NLGN1: variants seen among roughly 807,000 people sequenced by gnomAD.
NLGN1 encodes the protein neuroligin 1.
In NLGN1, 12 loss-of-function variants were observed where a neutral mutation model predicts 65.5. The observed-to-expected ratio is 0.18, with a 90% CI of 0.12 to 0.30. The LOEUF is 0.30. NLGN1 is among the 10% of genes least tolerant of loss of function. The pLI is 1.00. For missense variants in NLGN1, 750 were observed against 1,007.1 expected (o/e 0.74, Z 3.46); for synonymous variants, 350 against 359.5 (o/e 0.97, Z 0.30).
At chr3:174,121,230 A>G (rs530182165) in intron 4 of NLGN1, among the ~76,000 whole-genome samples, 95 of 152,342 alleles carry the variant, frequency 6.2e-4, no homozygotes, top group Non-Finnish European at 1.1e-3. Context: ...TTGAAAGAAC[A>G]AAAGCAGCAA....
At chr3:173,549,581 T>C (rs780756052) in intron 2 of NLGN1, among the ~76,000 whole-genome samples, 2 of 152,046 alleles carry the variant, frequency 1.3e-5, no homozygotes, top group Non-Finnish European at 2.9e-5. Context: ...ATAACAAAAT[T>C]TACCTTCTCC....
intron 2 of NLGN1, among the ~76,000 whole-genome samples, chr3:173,450,788 T>C (rs1405371399): frequency 6.6e-6 from 1 of 152,178 alleles, no homozygotes; most frequent in African/African-American, 2.4e-5. Flanking sequence ...TCTAAACTTG[T>C]ATTCACGCTT....
chr3:174,164,872 G>A (rs1239201013), intron 4 of NLGN1, among the ~76,000 whole-genome samples: 1 of 152,002 alleles, frequency 6.6e-6, no homozygotes, highest in Non-Finnish European at 1.5e-5. Flanking sequence ...AAATGACATT[G>A]GCAGTTTGAT....
intron 4 of NLGN1, among the ~76,000 whole-genome samples, chr3:173,924,050 T>A (rs1742548626): frequency 6.6e-6 from 1 of 152,110 alleles, no homozygotes; most frequent in African/African-American, 2.4e-5. Context: ...ATACAAAAAA[T>A]TCAGCCATGA....
intron 4 of NLGN1, among the ~76,000 whole-genome samples, chr3:174,106,590 G>A (rs1311011838): frequency 1.3e-5 from 2 of 151,914 alleles, no homozygotes; most frequent in African/African-American, 4.8e-5. Flanking sequence ...GTAAGAAAAG[G>A]CAAAGAGAGA....
At chr3:173,823,387 T>A (rs1479868779) in intron 4 of NLGN1, among the ~76,000 whole-genome samples, 1 of 152,082 alleles carries the variant, frequency 6.6e-6, no homozygotes, top group East Asian at 1.9e-4. Flanking sequence ...AACTAATATA[T>A]CCAAAATATT....
intron 4 of NLGN1, among the ~76,000 whole-genome samples, chr3:173,930,786 T>C (rs1743947015): frequency 6.6e-6 from 1 of 152,186 alleles, no homozygotes; most frequent in African/African-American, 2.4e-5. Context: ...TTTGAAGGTC[T>C]AGAGAGTTCT....
chr3:173,781,321 T>C (rs1781127474), intron 3 of NLGN1, among the ~76,000 whole-genome samples: 1 of 152,168 alleles, frequency 6.6e-6, no homozygotes, highest in Non-Finnish European at 1.5e-5. Flanking sequence ...AATACTTTTT[T>C]CTGTGCAAAT....
chr3:173,726,088 A>C (rs552756136), intron 3 of NLGN1, among the ~76,000 whole-genome samples: 1 of 151,984 alleles, frequency 6.6e-6, no homozygotes, highest in Non-Finnish European at 1.5e-5. Flanking sequence ...CAAGGGAGTA[A>C]AGTCGCCTTT....
chr3:174,068,191 C>T (rs573429411), intron 4 of NLGN1, among the ~76,000 whole-genome samples: 47 of 151,966 alleles, frequency 3.1e-4, no homozygotes, highest in African/African-American at 1.1e-3. Context: ...GCTGGCAGCC[C>T]GCTCTGCCTA....
In NLGN1 at chr3:174,213,621, G is replaced by T. The variant is rs376435967; in HGVS notation, c.647-61694G>T. ...GTTAAAATGTAGCATTCCAGTGTCT[G>T]CACTTTGCATTCTTTTAGACAATTT... On this transcript the variant is annotated intron_variant, in intron 4 of 6. Transcript: ENST00000457714. Among the ~76,000 whole-genome samples the T allele has an allele frequency of 4.6e-5, 7 of 152,076 alleles. No homozygotes were observed. The East Asian group carries it at 9.6e-4, about 21-fold the overall frequency.
intron 4 of NLGN1, among the ~76,000 whole-genome samples, chr3:174,108,121 A>T (rs181200404): frequency 3.2e-4 from 48 of 152,266 alleles, no homozygotes; most frequent in Non-Finnish European, 7.4e-5. Context: ...CATCTTTCAC[A>T]GAGCAATTTT....
At chr3:173,812,893 G>A (rs1718262121) in intron 4 of NLGN1, among the ~76,000 whole-genome samples, 1 of 149,310 alleles carries the variant, frequency 6.7e-6, no homozygotes, top group African/African-American at 2.4e-5. Flanking sequence ...TAAAAGTGAG[G>A]ACAGTATAGT....
At chr3:174,237,989 C>T (rs887648897) in intron 4 of NLGN1, among the ~76,000 whole-genome samples, 2 of 152,182 alleles carry the variant, frequency 1.3e-5, no homozygotes, top group Non-Finnish European at 2.9e-5. Context: ...TTGTGGACAA[C>T]ATTTTTACCT....
chr3:173,933,896 G>T (rs1229920054), intron 4 of NLGN1, among the ~76,000 whole-genome samples: 1 of 151,838 alleles, frequency 6.6e-6, no homozygotes, highest in Non-Finnish European at 1.5e-5. Context: ...TAAGATATCT[G>T]TCAGATCACA....
intron 4 of NLGN1, among the ~76,000 whole-genome samples, chr3:174,069,194 C>T (rs1739300435): frequency 1.3e-5 from 2 of 152,096 alleles, no homozygotes; most frequent in African/African-American, 4.8e-5. Flanking sequence ...TTTCATAAAT[C>T]GTAGATTAAG....
At chr3:173,678,154 TTTAA>T (rs1349509646) in intron 3 of NLGN1, among the ~76,000 whole-genome samples, 2 of 152,128 alleles carry the variant, frequency 1.3e-5, no homozygotes, top group Non-Finnish European at 2.9e-5. Flanking sequence ...TCCACAGGCC[TTTAA>T]TGTGACAAGG....
chr3:173,651,417 A>AT (rs2149643603), intron 3 of NLGN1, among the ~76,000 whole-genome samples: 1 of 152,076 alleles, frequency 6.6e-6, no homozygotes, highest in Non-Finnish European at 1.5e-5. Flanking sequence ...TAGTGTTGTG[A>AT]TAAACATAAG....
intron 3 of NLGN1, among the ~76,000 whole-genome samples, chr3:173,609,552 G>A (rs548885347): frequency 1.3e-5 from 2 of 151,878 alleles, no homozygotes; most frequent in East Asian, 3.9e-4. Flanking sequence ...GTACTGTCAA[G>A]GTTTTTAAGA....
Sources: allele counts gnomAD v4.1 joint callset (sites outside exome capture counted in the v4.1 genomes callset), GRCh38; gene constraint gnomAD v4.1.1; transcripts MANE v1.5; gene names NCBI Gene and HGNC (gene_info 2026-07-23, HGNC 2026-07-21).